The following RBFOX1 variants were observed in gnomAD, a reference collection of about 807,000 sequenced individuals.
RBFOX1 encodes RNA binding protein fox-1 homolog 1.
RBFOX1 carries 8 observed loss-of-function variants against 57.7 expected under a neutral mutation model. That is an observed-to-expected ratio of 0.14 (90% CI 0.08 to 0.25). The LOEUF (loss-of-function observed/expected upper bound fraction) is 0.25. Ranked by LOEUF, RBFOX1 falls within the 10% of genes least tolerant of loss-of-function variation. The pLI, the probability that RBFOX1 is intolerant of heterozygous loss-of-function variation, is 1.00. For synonymous variants in RBFOX1, 326 were observed against 222.4 expected (o/e 1.47, Z -4.15); for missense variants, 611 against 548.5 (o/e 1.11, Z -1.14).
chr16:7,606,616 C>CA (rs1397289739), intron 9 of RBFOX1, among the ~76,000 whole-genome samples: 1 of 152,070 alleles, frequency 6.6e-6, no homozygotes, highest in Non-Finnish European at 1.5e-5. Flanking sequence ...ATTCATTTTA[C>CA]AAAAAACTCT....
chr16:7,367,461 G>A (rs1311473145), intron 4 of RBFOX1, among the ~76,000 whole-genome samples: 1 of 152,150 alleles, frequency 6.6e-6, no homozygotes. Flanking sequence ...TCTGTTGTTT[G>A]CTATAGAAAT....
At chr16:5,543,769 T>A (rs7188049) in intron 2 of RBFOX1, among the ~76,000 whole-genome samples, 6 of 152,010 alleles carry the variant, frequency 3.9e-5, no homozygotes, top group South Asian at 4.1e-4. Context: ...ATATAAAAAC[T>A]TAAAAGCATC....
At chr16:7,457,207 C>G (rs2058702428) in intron 4 of RBFOX1, among the ~76,000 whole-genome samples, 1 of 151,974 alleles carries the variant, frequency 6.6e-6, no homozygotes, top group African/African-American at 2.4e-5. Flanking sequence ...ATTTTTATCA[C>G]TCATACAGCG....
At chr16:7,335,558 G>A (rs966857712) in intron 4 of RBFOX1, among the ~76,000 whole-genome samples, 10 of 134,024 alleles carry the variant, frequency 7.5e-5, no homozygotes, top group South Asian at 2.5e-4. Context: ...GACCAGCATC[G>A]CCCTGTTTTA....
intron 1 of RBFOX1, among the ~76,000 whole-genome samples, chr16:5,412,063 A>G (rs1306951241): frequency 2.0e-5 from 3 of 152,128 alleles, no homozygotes; most frequent in African/African-American, 4.8e-5. Context: ...AAGATGCAGA[A>G]TGTCTTGCCC....
chr16:6,622,448 C>G (rs1288369227), intron 2 of RBFOX1, among the ~76,000 whole-genome samples: 1 of 152,100 alleles, frequency 6.6e-6, no homozygotes, highest in Non-Finnish European at 1.5e-5. Flanking sequence ...GGCTTGTAGT[C>G]TAGGAGCAAT....
chr16:6,796,288 C>T (rs2084023849), intron 3 of RBFOX1, among the ~76,000 whole-genome samples: 1 of 152,224 alleles, frequency 6.6e-6, no homozygotes, highest in African/African-American at 2.4e-5. Flanking sequence ...CACTGGGTTC[C>T]TCCCATGACA....
Position 7,452,206 on chromosome 16 carries a change from A to G in RBFOX1, c.28-65941A>G, listed in dbSNP as rs117727913. On this transcript the variant is annotated intron_variant, in intron 4 of 15. Transcript: ENST00000550418. ...AATACGCATATAAATAACAATATGG[A>G]TGAAATGTCAGACCTTTCAGCTGGC... Among the ~76,000 whole-genome samples the G allele has an allele frequency of 1.7e-3, 257 of 152,336 alleles. 9 individuals carry two copies. The East Asian group carries it at 0.046, about 27-fold the overall frequency.
At chr16:6,561,218 C>A (rs567866576) in intron 2 of RBFOX1, among the ~76,000 whole-genome samples, 63 of 152,270 alleles carry the variant, frequency 4.1e-4, no homozygotes, top group African/African-American at 1.4e-3. Flanking sequence ...AGGTTCCCTG[C>A]TGTCTACTAG....
intron 4 of RBFOX1, among the ~76,000 whole-genome samples, chr16:7,143,985 T>C (rs1328445644): frequency 6.6e-6 from 1 of 152,148 alleles, no homozygotes; most frequent in East Asian, 1.9e-4. Flanking sequence ...CTTTAAACCA[T>C]GGTGTTGTCT....
At position 6,825,530 on chromosome 16, in the gene RBFOX1, C is replaced by G. The variant is rs72766767; in HGVS notation, c.-16+170880C>G. ...AAATGAATCTCACTTTTTGAACAGT[C>G]TTTTGATATTGAAGGTCCAGGTACC... On this transcript the variant is annotated intron_variant, in intron 3 of 15. Transcript: ENST00000550418. Among the ~76,000 whole-genome samples, 666 of 152,218 alleles carry G rather than the reference C, an allele frequency of 4.4e-3. 6 individuals carry two copies. The highest frequency in any genetic ancestry group is 0.014 in the Middle Eastern group (4 of 294).
intron 3 of RBFOX1, among the ~76,000 whole-genome samples, chr16:5,708,424 G>T (rs560199489): frequency 6.6e-6 from 1 of 152,216 alleles, no homozygotes; most frequent in East Asian, 1.9e-4. Flanking sequence ...CAAGCAGTAG[G>T]GTGAGAGAGA....
chr16:5,789,032 A>G (rs2054602546), intron 3 of RBFOX1, among the ~76,000 whole-genome samples: 1 of 152,200 alleles, frequency 6.6e-6, no homozygotes, highest in Middle Eastern at 3.4e-3. Flanking sequence ...AGCAGTCCAA[A>G]CTAGTGAAAA....
intron 3 of RBFOX1, among the ~76,000 whole-genome samples, chr16:6,748,216 A>G (rs2074179411): frequency 6.6e-6 from 1 of 152,144 alleles, no homozygotes; most frequent in South Asian, 2.1e-4. Flanking sequence ...GTTCAGTACC[A>G]TGCTGTGCAT....
intron 4 of RBFOX1, among the ~76,000 whole-genome samples, chr16:7,484,597 C>T (rs112063314): frequency 0.1 from 15,417 of 152,152 alleles, 836 homozygotes; most frequent in Non-Finnish European, 0.12. Flanking sequence ...TGAGTAGCTG[C>T]GACTACAGGC....
intron 10 of RBFOX1, among the ~76,000 whole-genome samples, chr16:7,621,538 A>C (rs1339738367): frequency 6.6e-6 from 1 of 152,212 alleles, no homozygotes; most frequent in Non-Finnish European, 1.5e-5. Flanking sequence ...CTGGGATTAC[A>C]GGCAGGGTCA....
At chr16:7,693,743 CAT>C (rs1297812583) in intron 14 of RBFOX1, among the ~76,000 whole-genome samples, 1 of 152,046 alleles carries the variant, frequency 6.6e-6, no homozygotes, top group Non-Finnish European at 1.5e-5. Flanking sequence ...TGTCTGGGTT[CAT>C]AGAGACTGAT....
chr16:7,239,247 C>T (rs2093934997), intron 4 of RBFOX1, among the ~76,000 whole-genome samples: 1 of 152,104 alleles, frequency 6.6e-6, no homozygotes, highest in Non-Finnish European at 1.5e-5. Context: ...GCCAGTAATC[C>T]CAGCAATTTA....
At chr16:7,112,416 T>G (rs1406344335) in intron 4 of RBFOX1, among the ~76,000 whole-genome samples, 1 of 151,068 alleles carries the variant, frequency 6.6e-6, no homozygotes, top group African/African-American at 2.4e-5. Context: ...TTTCGCCATG[T>G]TGGCCAGGCT....
Sources: allele counts gnomAD v4.1 joint callset (sites outside exome capture counted in the v4.1 genomes callset), GRCh38; gene constraint gnomAD v4.1.1; transcripts MANE v1.5; gene names NCBI Gene and HGNC (gene_info 2026-07-23, HGNC 2026-07-21).